Variants in TENM2 observed in about 807,000 individuals in gnomAD.
The protein encoded by TENM2 is teneurin transmembrane protein 2.
In TENM2, 52 loss-of-function variants were observed where a neutral mutation model predicts 245.2. The ratio of observed to expected loss-of-function variants is 0.21; its 90% CI spans 0.17 to 0.27. The LOEUF (loss-of-function observed/expected upper bound fraction) is 0.27. Among genes scored for constraint, TENM2 ranks in the 10% least tolerant of loss-of-function variants. TENM2 has a pLI of 1.00. For missense variants in TENM2, 3,046 were observed against 3,666.8 expected (o/e 0.83, Z 4.37); for synonymous variants, 1,363 against 1,438.9 (o/e 0.95, Z 1.19).
At chr5:167,927,579 C>A (rs537012080) in intron 3 of TENM2, among the ~76,000 whole-genome samples, 63 of 152,260 alleles carry the variant, frequency 4.1e-4, no homozygotes, top group African/African-American at 1.4e-3. Context: ...GTGTGTGCTG[C>A]ACATAGGGAG....
At chr5:167,069,979 A>G in the TENM2 span, among the ~76,000 whole-genome samples, 8 of 152,112 alleles carry the variant, frequency 5.3e-5, no homozygotes, top group South Asian at 6.2e-4. Context: ...ATACATCTTA[A>G]TGTAGATGAA....
At chr5:167,533,242 C>T (rs6555763) in intron 2 of TENM2, among the ~76,000 whole-genome samples, 62,740 of 151,778 alleles carry the variant, frequency 0.41, 14,157 homozygotes, top group Non-Finnish European at 0.52. Flanking sequence ...ACAGTGGATT[C>T]GGGTGAGGAA....
chr5:167,483,978 T>C (rs181603750), intron 2 of TENM2, among the ~76,000 whole-genome samples: 465 of 152,268 alleles, frequency 3.1e-3, no homozygotes, highest in Middle Eastern at 6.8e-3. Context: ...CTTAAGTTGT[T>C]GTATGGGCTA....
intron 1 of TENM2, among the ~76,000 whole-genome samples, chr5:167,336,176 C>CTTTTTTT (rs35059289): frequency 1.2e-5 from 1 of 83,106 alleles, no homozygotes; most frequent in Non-Finnish European, 2.2e-5. Flanking sequence ...TTCATTTCTC[C>CTTTTTTT]TTTTTTTTTT....
At chr5:167,904,900 G>A (rs1405593451) in intron 3 of TENM2, among the ~76,000 whole-genome samples, 1 of 152,192 alleles carries the variant, frequency 6.6e-6, no homozygotes, top group African/African-American at 2.4e-5. Flanking sequence ...TTTAGGGTCT[G>A]TGGTTGAGTC....
intron 19 of TENM2, among the ~76,000 whole-genome samples, chr5:168,207,896 A>G (rs1762491018): frequency 6.6e-6 from 1 of 152,220 alleles, no homozygotes; most frequent in African/African-American, 2.4e-5. Context: ...GATGCTACAA[A>G]GAGCCTTCTC....
At chr5:167,575,128 A>AG (rs1041962317) in intron 2 of TENM2, among the ~76,000 whole-genome samples, 9 of 151,478 alleles carry the variant, frequency 5.9e-5, no homozygotes, top group African/African-American at 1.9e-4. Context: ...GAAAAAAAAA[A>AG]AAAACAACCC....
intron 2 of TENM2, among the ~76,000 whole-genome samples, chr5:167,636,462 C>T (rs1340278528): frequency 6.6e-6 from 1 of 152,142 alleles, no homozygotes; most frequent in Non-Finnish European, 1.5e-5. Flanking sequence ...TAAATAATAA[C>T]TCATTGAAAT....
chr5:167,378,926 A>G (rs958630828), intron 2 of TENM2, among the ~76,000 whole-genome samples: 6 of 151,090 alleles, frequency 4.0e-5, no homozygotes, highest in Admixed American at 4.0e-4. Context: ...GGAAATCCAG[A>G]AAGGGAAAAA....
At chr5:167,894,381 T>C (rs1170635224) in intron 3 of TENM2, among the ~76,000 whole-genome samples, 1 of 152,214 alleles carries the variant, frequency 6.6e-6, no homozygotes, top group Admixed American at 6.5e-5. Flanking sequence ...AGATCGTTTA[T>C]TGTGGCTAGT....
At chr5:167,352,370 A>T (rs1758972331) in intron 1 of TENM2, among the ~76,000 whole-genome samples, 1 of 152,204 alleles carries the variant, frequency 6.6e-6, no homozygotes, top group South Asian at 2.1e-4. Context: ...AAATTGCGTG[A>T]CCTTGTTGAA....
In TENM2 at chr5:167,754,728, C is replaced by CAAAAA. The variant is rs10663941; in HGVS notation, c.503-121249_503-121245dup. 1.9e-3 allele frequency among the ~76,000 whole-genome samples: 270 copies of CAAAAA among 145,138 alleles called. 12 individuals carry two copies. Among genetic ancestry groups the CAAAAA allele is most frequent in the South Asian group, 8.3e-3 (38 of 4,554 alleles). On this transcript the variant is annotated intron_variant, in intron 2 of 28. Transcript: ENST00000518659. ...GAACAAACCTTTTTAAGAGATATTT[C>CAAAAA]AAAAAAAAAAAAAGTCTGTGTCAAA... is the stretch of plus-strand genomic sequence containing the variant.
intron 1 of TENM2, among the ~76,000 whole-genome samples, chr5:167,369,062 A>G (rs966038684): frequency 2.6e-5 from 4 of 152,026 alleles, no homozygotes; most frequent in Non-Finnish European, 4.4e-5. Context: ...TTGCTACAGC[A>G]GGCTGTACTT....
the TENM2 span, among the ~76,000 whole-genome samples, chr5:167,042,871 C>T: frequency 5.9e-5 from 9 of 152,132 alleles, no homozygotes; most frequent in African/African-American, 1.2e-4. Flanking sequence ...GATATGACCT[C>T]GGAACAAAGT....
intron 6 of TENM2, among the ~76,000 whole-genome samples, chr5:168,059,563 A>G (rs1486140561): frequency 6.6e-6 from 1 of 152,064 alleles, no homozygotes; most frequent in Non-Finnish European, 1.5e-5. Context: ...CTTCTTCCCC[A>G]GGCGGCTCTC....
At chr5:167,515,680 T>TA (rs1283561249) in intron 2 of TENM2, among the ~76,000 whole-genome samples, 9 of 55,734 alleles carry the variant, frequency 1.6e-4, no homozygotes, top group South Asian at 2.3e-3. Flanking sequence ...TGTATATATA[T>TA]TTTGAGAGGG....
chr5:167,546,009 A>G (rs1274205273), intron 2 of TENM2, among the ~76,000 whole-genome samples: 1 of 152,242 alleles, frequency 6.6e-6, no homozygotes. Context: ...CACTTATCAC[A>G]TATGAAGCAG....
rs546340828 is a variant in TENM2 at position 167,508,513 on chromosome 5, A to T, written c.502+133040A>T. ...TATTCACAGTCTTTGAAGGAAAAAC[A>T]AAAAGAATATAGACAGGACACAAGA... On this transcript the variant is annotated intron_variant, in intron 2 of 28. Transcript: ENST00000518659. Among the ~76,000 whole-genome samples the T allele has an allele frequency of 5.9e-5, 9 of 152,306 alleles. No homozygotes were observed. The South Asian group carries it at 1.9e-3, about 32-fold the overall frequency.
intron 2 of TENM2, among the ~76,000 whole-genome samples, chr5:167,640,153 A>G (rs985794103): frequency 6.6e-6 from 1 of 152,144 alleles, no homozygotes; most frequent in African/African-American, 2.4e-5. Flanking sequence ...CTATTTAAAG[A>G]TTTTGAGAAT....
Sources: gnomAD v4.1 joint callset for allele counts (sites outside exome capture counted in the v4.1 genomes callset) on GRCh38, gnomAD v4.1.1 for gene constraint, MANE v1.5 for transcripts, NCBI Gene and HGNC (gene_info 2026-07-23, HGNC 2026-07-21) for gene names.